The following TBC1D1 variants were observed in gnomAD, a reference collection of about 807,000 sequenced individuals.
TBC1D1 encodes TBC1 domain family member 1.
TBC1D1 carries 89 observed loss-of-function variants against 125.6 expected under a neutral mutation model. That is an observed-to-expected ratio of 0.71 (90% CI 0.60 to 0.85). The LOEUF (loss-of-function observed/expected upper bound fraction) is 0.85. TBC1D1 is among the 40% of genes least tolerant of loss of function. TBC1D1 has a pLI of 0.00. For synonymous variants in TBC1D1, 565 were observed against 564.1 expected (o/e 1.00, Z -0.02); for missense variants, 1,377 against 1,469.2 (o/e 0.94, Z 1.03).
intron 2 of TBC1D1, among the ~76,000 whole-genome samples, chr4:38,013,006 G>T (rs561803808): frequency 1.3e-5 from 2 of 151,908 alleles, no homozygotes; most frequent in African/African-American, 4.8e-5. Flanking sequence ...TGTTGGCCAG[G>T]CTGGTCTCAA....
chr4:37,899,977 C>T (rs10019641), intron 1 of TBC1D1, among the ~76,000 whole-genome samples: 22,433 of 151,962 alleles, frequency 0.15, 1,932 homozygotes, highest in African/African-American at 0.22. Flanking sequence ...AAGAATTAGC[C>T]GGGCGCGGTG....
chr4:38,057,250 C>G (rs1257253786), intron 12 of TBC1D1, among the ~76,000 whole-genome samples: 2 of 152,220 alleles, frequency 1.3e-5, no homozygotes, highest in Non-Finnish European at 2.9e-5. Context: ...CATGAACTCA[C>G]CCTCATGCCC....
intron 5 of TBC1D1, chr4:38,021,008 T>C: frequency 3.8e-6 from 1 of 261,774 alleles, no homozygotes; most frequent in East Asian, 9.0e-5. Flanking sequence ...TAGTTTTTAC[T>C]GTATCAGTCT....
At chr4:37,909,835 C>G (rs1718173222) in intron 2 of TBC1D1, among the ~76,000 whole-genome samples, 1 of 152,138 alleles carries the variant, frequency 6.6e-6, no homozygotes, top group Non-Finnish European at 1.5e-5. Context: ...GGGTCCCATG[C>G]AGCAGCTATG....
chr4:37,994,935 A>G (rs1737454020), intron 2 of TBC1D1, among the ~76,000 whole-genome samples: 1 of 140,710 alleles, frequency 7.1e-6, no homozygotes, highest in African/African-American at 2.7e-5. Context: ...ATTAGAGCTG[A>G]GGGCTTCTTT....
chr4:38,034,129 G>A (rs1007359087), intron 7 of TBC1D1, among the ~76,000 whole-genome samples: 2 of 152,224 alleles, frequency 1.3e-5, no homozygotes, highest in Non-Finnish European at 2.9e-5. Flanking sequence ...AACCATAAAT[G>A]GGAGTTCTTG....
chr4:37,923,970 G>A (rs1220225190), intron 2 of TBC1D1, among the ~76,000 whole-genome samples: 1 of 152,132 alleles, frequency 6.6e-6, no homozygotes, highest in African/African-American at 2.4e-5. Flanking sequence ...GTGAGCCAAT[G>A]CACCCGGCAT....
intron 19 of TBC1D1, among the ~76,000 whole-genome samples, chr4:38,134,850 G>C (rs115096843): frequency 6.6e-6 from 1 of 152,278 alleles, no homozygotes; most frequent in African/African-American, 2.4e-5. Flanking sequence ...TGGAATGGTC[G>C]TTCTCTTGAC....
Position 38,137,424 on chromosome 4 carries a change from C to T in TBC1D1, c.*89C>T, listed in dbSNP as rs1766832124. 1.4e-5 allele frequency: 19 copies of T among 1,338,750 alleles called. No homozygotes were observed. Among genetic ancestry groups the T allele is most frequent in the East Asian group, 5.6e-5 (2 of 35,900 alleles). The allele number at this position is 1,338,750 out of a possible 1,614,324, so 82.9% of individuals were successfully genotyped here. ...AAGACGCTGGAAGGAGAGAAGGAAG[C>T]GGGAAGTGTGCTTCTCAGGGAGGAA... On this transcript the variant is annotated 3_prime_UTR_variant, in exon 20 of 20. Transcript: ENST00000261439.
rs374399526 is a variant in TBC1D1, at chr4:38,118,192, G to C, written c.2962G>C (p.Asp988His). The C allele has an allele frequency of 1.9e-6, 3 of 1,614,006 alleles. No homozygotes were observed. The highest frequency in any genetic ancestry group is 2.5e-6 in the Non-Finnish European group (3 of 1,180,016). The change falls in exon 17 of 20, where the codon GAT becomes CAT. Residue 988 changes from aspartate to histidine, a missense_variant and splice_region_variant. Around this residue, in one of 3 missense-constraint regions of TBC1D1, gnomAD observed 543 missense variants for 613.5 expected, o/e 0.89. Coordinates refer to ENST00000261439, the MANE Select transcript of TBC1D1 (RefSeq NM_015173.4). ...GCTGGGATTCGTAGCCAGAGTCTTTGGTGAGCATTAGTAAATCTGTTTGCC... is the reference window on the plus strand; with the variant it reads ...GCTGGGATTCGTAGCCAGAGTCTTTCGTGAGCATTAGTAAATCTGTTTGCC...
intron 12 of TBC1D1, among the ~76,000 whole-genome samples, chr4:38,059,167 A>G (rs1480910387): frequency 6.6e-6 from 1 of 152,224 alleles, no homozygotes; most frequent in Admixed American, 6.5e-5. Context: ...TTGCTTGCAT[A>G]TGTCTAGTAG....
At chr4:38,071,961 C>T (rs1216536042) in intron 12 of TBC1D1, among the ~76,000 whole-genome samples, 2 of 152,166 alleles carry the variant, frequency 1.3e-5, no homozygotes, top group East Asian at 1.9e-4. Flanking sequence ...TGGTGTTGGC[C>T]GACTGCAGAG....
At chr4:38,118,408 T>C (rs2303423) in intron 17 of TBC1D1, 74,415 of 577,606 alleles carry the variant, frequency 0.13, 6,585 homozygotes, top group East Asian at 0.37. Flanking sequence ...TGCCTTCATC[T>C]TGTGGGATGT....
chr4:38,113,137 A>G (rs542484086), intron 15 of TBC1D1, among the ~76,000 whole-genome samples: 2 of 152,316 alleles, frequency 1.3e-5, no homozygotes, highest in East Asian at 1.9e-4. Flanking sequence ...TGCAGGGCCT[A>G]TTGCAAGATG....
chr4:37,922,511 A>C (rs4832967), intron 2 of TBC1D1, among the ~76,000 whole-genome samples: 54,874 of 152,040 alleles, frequency 0.36, 10,003 homozygotes, highest in Middle Eastern at 0.46. Context: ...GCCGTCCTGA[A>C]TCATGTGCTA....
intron 1 of TBC1D1, among the ~76,000 whole-genome samples, chr4:37,898,095 T>C (rs537960873): frequency 6.6e-6 from 1 of 152,352 alleles, no homozygotes; most frequent in Admixed American, 6.5e-5. Flanking sequence ...TGTGCATATA[T>C]ATTATACAGA....
At position 37,902,148 on chromosome 4, in the gene TBC1D1, C is replaced by T. The variant is rs371619257; in HGVS notation, c.53C>T (p.Ser18Leu). ...AAACATCTGCTTTCTAACGAGGTCT[C>T]GGTGGATTTTGGCCTGCAGCTGGTG... Residue 18 changes from serine (S) to leucine (L), a missense_variant, in exon 2 of 20, where the codon TCG becomes TTG. Ser to Leu is a moderately radical substitution (Grantham distance 145). This residue lies in a region of TBC1D1 where 822 missense variants were observed against 824.6 expected (regional missense o/e 1.00). Coordinates refer to ENST00000261439, the MANE Select transcript of TBC1D1 (RefSeq NM_015173.4). 13 of 1,613,060 alleles carry T rather than the reference C, an allele frequency of 8.1e-6. No individual in the cohort carries two copies. The highest frequency in any genetic ancestry group is 1.0e-5 in the Non-Finnish European group (12 of 1,179,678).
chr4:37,896,341 G>A (rs1447354279), intron 1 of TBC1D1, among the ~76,000 whole-genome samples: 1 of 152,070 alleles, frequency 6.6e-6, no homozygotes, highest in Non-Finnish European at 1.5e-5. Context: ...GAGGGGGCTG[G>A]GAACAAAGGG....
chr4:37,955,457 T>A (rs1371755317), intron 2 of TBC1D1, among the ~76,000 whole-genome samples: 2 of 152,200 alleles, frequency 1.3e-5, no homozygotes, highest in Non-Finnish European at 2.9e-5. Context: ...CACCCTCCTA[T>A]ATACTTTAAA....
Sources: allele counts gnomAD v4.1 joint callset (sites outside exome capture counted in the v4.1 genomes callset), GRCh38; gene constraint gnomAD v4.1.1; regional missense constraint gnomAD v4.1.1; transcripts MANE v1.5; gene names NCBI Gene and HGNC (gene_info 2026-07-23, HGNC 2026-07-21).